The following MYO1D variants were observed in gnomAD, a reference collection of about 807,000 sequenced individuals.
MYO1D encodes unconventional myosin-Id.
MYO1D carries 83 observed loss-of-function variants against 122.0 expected under a neutral mutation model. That is an observed-to-expected ratio of 0.68 (90% CI 0.57 to 0.82). The LOEUF is 0.82. Ranked by LOEUF, MYO1D falls within the 40% of genes least tolerant of loss-of-function variation. The pLI is 0.00. For missense variants in MYO1D, 1,157 were observed against 1,269.5 expected (o/e 0.91, Z 1.35); for synonymous variants, 464 against 446.9 (o/e 1.04, Z -0.48).
At chr17:32,653,042 T>G (rs1174490224) in intron 19 of MYO1D, among the ~76,000 whole-genome samples, 1 of 151,502 alleles carries the variant, frequency 6.6e-6, no homozygotes, top group Non-Finnish European at 1.5e-5. Context: ...CTCGGGAGGC[T>G]AAGGCAGGAG....
rs191215289 is a variant in MYO1D at position 32,622,372 on chromosome 17, T to C, written c.2709+16350A>G. On this transcript the variant is annotated intron_variant, in intron 20 of 21. Coordinates refer to ENST00000318217, the MANE Select transcript of MYO1D (RefSeq NM_015194.3). ...ACTCATTTATTGAACACCTACTGTA[T>C]GGCAGGCAGTGTTCTGGGAACAAGA... Among the ~76,000 whole-genome samples the C allele has an allele frequency of 2.0e-4, 31 of 152,222 alleles. No homozygotes were observed. The East Asian group carries it at 3.5e-3, about 17-fold the overall frequency.
chr17:32,777,547 G>A (rs1016923079), intron 3 of MYO1D, among the ~76,000 whole-genome samples: 1 of 152,244 alleles, frequency 6.6e-6, no homozygotes, highest in East Asian at 1.9e-4. Flanking sequence ...AATACTATGT[G>A]CCAGCTGCTC....
chr17:32,544,223 G>A (rs1344013528), intron 21 of MYO1D, among the ~76,000 whole-genome samples: 2 of 150,350 alleles, frequency 1.3e-5, no homozygotes, highest in African/African-American at 4.9e-5. Flanking sequence ...AGCCTCCCAA[G>A]TAGCTGAGAC....
intron 1 of MYO1D, among the ~76,000 whole-genome samples, chr17:32,842,612 C>A (rs1298367946): frequency 6.6e-6 from 1 of 152,138 alleles, no homozygotes; most frequent in African/African-American, 2.4e-5. Context: ...CCCAACCAGA[C>A]AAAGCTGTGT....
intron 16 of MYO1D, among the ~76,000 whole-genome samples, chr17:32,703,061 T>G (rs2150981776): frequency 6.6e-6 from 1 of 152,292 alleles, no homozygotes; most frequent in South Asian, 2.1e-4. Flanking sequence ...GAGAAATAAT[T>G]TATATGTTTA....
At chr17:32,522,798 A>AGTCTTAGT (rs113614838) in intron 21 of MYO1D, among the ~76,000 whole-genome samples, 28,622 of 148,758 alleles carry the variant, frequency 0.19, 2,940 homozygotes, top group East Asian at 0.49. Flanking sequence ...CAGGCTCCTC[A>AGTCTTAGT]GTCTTAGTGT....
intron 14 of MYO1D, among the ~76,000 whole-genome samples, chr17:32,722,862 T>C (rs74618888): frequency 0.022 from 3,332 of 152,240 alleles, 116 homozygotes; most frequent in African/African-American, 0.076. Context: ...ATGAGGTGAC[T>C]CATAGCTGGG....
chr17:32,810,623 C>T (rs1270325576), intron 1 of MYO1D, among the ~76,000 whole-genome samples: 1 of 151,994 alleles, frequency 6.6e-6, no homozygotes, highest in African/African-American at 2.4e-5. Flanking sequence ...ATTACAGGCA[C>T]CCACCACCAT....
intron 19 of MYO1D, among the ~76,000 whole-genome samples, chr17:32,645,691 G>C (rs948306104): frequency 1.3e-5 from 2 of 151,816 alleles, no homozygotes; most frequent in East Asian, 1.9e-4. Context: ...CCAGTTGATC[G>C]AATCAGTTAC....
intron 1 of MYO1D, among the ~76,000 whole-genome samples, chr17:32,871,583 T>A (rs2091180823): frequency 6.6e-6 from 1 of 152,230 alleles, no homozygotes; most frequent in Non-Finnish European, 1.5e-5. Flanking sequence ...AGATGCTTTA[T>A]TCTCAAAACA....
chr17:32,829,425 G>A (rs1241240370), intron 1 of MYO1D, among the ~76,000 whole-genome samples: 1 of 152,146 alleles, frequency 6.6e-6, no homozygotes, highest in African/African-American at 2.4e-5. Flanking sequence ...TTACTTTCTA[G>A]GGGTAGGAAC....
intron 15 of MYO1D, among the ~76,000 whole-genome samples, chr17:32,712,424 C>G (rs779896190): frequency 3.9e-5 from 6 of 152,284 alleles, no homozygotes; most frequent in African/African-American, 1.4e-4. Flanking sequence ...CAAGCTCATA[C>G]AGTCTATTTG....
chr17:32,654,426 T>G, intron 18 of MYO1D, 51 bp downstream of exon 18: 2 of 1,539,982 alleles, frequency 1.3e-6, no homozygotes, highest in Non-Finnish European at 1.8e-6. Flanking sequence ...GTACTTCTCT[T>G]TTTTAGTAGA....
chr17:32,819,949 A>G (rs2090646055), intron 1 of MYO1D, among the ~76,000 whole-genome samples: 1 of 152,248 alleles, frequency 6.6e-6, no homozygotes, highest in Non-Finnish European at 1.5e-5. Context: ...TGACTGAGTT[A>G]AACTTTGCAA....
rs148739925 is a variant in MYO1D, at chr17:32,524,447, C to T, written c.2865-29532G>A. Among the ~76,000 whole-genome samples the T allele has an allele frequency of 6.0e-3, 912 of 152,150 alleles. 19 individuals are homozygous for T. The South Asian group carries it at 0.078, about 13-fold the overall frequency. On this transcript the variant is annotated intron_variant, in intron 21 of 21. Coordinates refer to ENST00000318217, the MANE Select transcript of MYO1D (RefSeq NM_015194.3). ...ACGCTCTGTCACCCAGGCTGGAGTGCGGTGGCACCATCATAGCTCACTGCA... is the reference window on the plus strand; with the variant it reads ...ACGCTCTGTCACCCAGGCTGGAGTGTGGTGGCACCATCATAGCTCACTGCA...
chr17:32,709,341 T>C (rs2089346680), intron 16 of MYO1D, among the ~76,000 whole-genome samples: 1 of 151,876 alleles, frequency 6.6e-6, no homozygotes, highest in African/African-American at 2.4e-5. Context: ...ATCTCTTGAA[T>C]AGGTAGAAAG....
At chr17:32,803,658 A>G (rs553755801) in intron 1 of MYO1D, among the ~76,000 whole-genome samples, 41 of 152,334 alleles carry the variant, frequency 2.7e-4, no homozygotes, top group African/African-American at 8.9e-4. Flanking sequence ...TAACAACATA[A>G]ATAGGCAATA....
Position 32,610,176 on chromosome 17 carries a change from T to C in MYO1D, c.2710-4935A>G, listed in dbSNP as rs577260439. ...ACCACAGGGATAGAGGATCCCTTCC[T>C]AGGTGCTACCTGGACCAGAGGACAG... is the stretch of plus-strand genomic sequence containing the variant. On this transcript the variant is annotated intron_variant, in intron 20 of 21. Transcript: ENST00000318217. Among the ~76,000 whole-genome samples the C allele has an allele frequency of 3.9e-5, 6 of 152,228 alleles. No individual in the cohort carries two copies. In the South Asian group the frequency reaches 1.2e-3, roughly 32 times the overall value.
chr17:32,597,334 C>T (rs1255305107), intron 21 of MYO1D, among the ~76,000 whole-genome samples: 1 of 152,170 alleles, frequency 6.6e-6, no homozygotes, highest in Non-Finnish European at 1.5e-5. Flanking sequence ...GAGACAAACA[C>T]TGTTATCTAT....
Sources: allele counts gnomAD v4.1 joint callset (sites outside exome capture counted in the v4.1 genomes callset), GRCh38; gene constraint gnomAD v4.1.1; transcripts MANE v1.5; gene names NCBI Gene and HGNC (gene_info 2026-07-23, HGNC 2026-07-21).